Variants in DISC1 observed in about 807,000 individuals in gnomAD.
The protein encoded by DISC1 is disrupted in schizophrenia 1 protein.
In DISC1, 57 loss-of-function variants were observed where a neutral mutation model predicts 84.5. The observed-to-expected ratio is 0.67, with a 90% CI of 0.55 to 0.84. DISC1 has a LOEUF of 0.84. DISC1 is among the 40% of genes least tolerant of loss of function. The pLI is 0.00. For synonymous variants in DISC1, 411 were observed against 415.2 expected, an observed-to-expected ratio of 0.99 and a Z score of 0.12; for missense variants, 1,000 against 1,057.8, an observed-to-expected ratio of 0.95 and a Z score of 0.76.
chr1:231,733,226 G>A (rs562386511), intron 3 of DISC1, among the ~76,000 whole-genome samples: 153 of 151,158 alleles, frequency 1.0e-3, no homozygotes, highest in Non-Finnish European at 1.9e-3. Flanking sequence ...AGTGTTGTTG[G>A]TGATGGTAGG....
chr1:232,001,371 A>G (rs3121909), intron 10 of DISC1, among the ~76,000 whole-genome samples: 43,818 of 151,298 alleles, frequency 0.29, 6,583 homozygotes, highest in African/African-American at 0.35. Context: ...GAGCCACCAC[A>G]CCAGGCAATA....
At chr1:231,633,608 C>T (rs370265576) in intron 1 of DISC1, among the ~76,000 whole-genome samples, 29 of 152,208 alleles carry the variant, frequency 1.9e-4, no homozygotes, top group African/African-American at 6.7e-4. Flanking sequence ...GTCATCTGCC[C>T]GAATGTCGTA....
intron 9 of DISC1, among the ~76,000 whole-genome samples, chr1:231,878,467 G>A (rs901481323): frequency 2.0e-5 from 3 of 152,282 alleles, no homozygotes; most frequent in Admixed American, 1.3e-4. Flanking sequence ...TCAAGGGATG[G>A]AGAAAAGACC....
At chr1:231,764,400 A>G (rs746086504) in intron 4 of DISC1, among the ~76,000 whole-genome samples, 1 of 152,234 alleles carries the variant, frequency 6.6e-6, no homozygotes, top group South Asian at 2.1e-4. Flanking sequence ...AGAAAGATCA[A>G]TGGAAAGAAA....
chr1:231,884,550 C>A (rs1430804789), intron 9 of DISC1, among the ~76,000 whole-genome samples: 1 of 146,078 alleles, frequency 6.8e-6, no homozygotes, highest in Non-Finnish European at 1.5e-5. Flanking sequence ...AATAGTGCTG[C>A]AATGAACATA....
chr1:231,790,293 A>C (rs2078232492), intron 6 of DISC1, among the ~76,000 whole-genome samples: 1 of 152,172 alleles, frequency 6.6e-6, no homozygotes, highest in African/African-American at 2.4e-5. Context: ...TTCCACATGC[A>C]TGAGTCTGCT....
chr1:231,837,196 A>G (rs1264084429), intron 9 of DISC1, among the ~76,000 whole-genome samples: 1 of 152,172 alleles, frequency 6.6e-6, no homozygotes, highest in African/African-American at 2.4e-5. Context: ...GAAGTTTACC[A>G]TATGTTTCAA....
intron 1 of DISC1, among the ~76,000 whole-genome samples, chr1:231,650,946 T>C (rs1399494295): frequency 3.3e-5 from 5 of 152,220 alleles, no homozygotes; most frequent in Admixed American, 1.3e-4. Context: ...CACTGTTTAT[T>C]CTAGTTAGCC....
chr1:231,926,520 G>C (rs2126093739), intron 9 of DISC1, among the ~76,000 whole-genome samples: 1 of 152,290 alleles, frequency 6.6e-6, no homozygotes. Context: ...AGGACATTTG[G>C]ATCTAGAGAT....
At chr1:231,992,235 A>G (rs1472638278) in intron 10 of DISC1, among the ~76,000 whole-genome samples, 2 of 152,140 alleles carry the variant, frequency 1.3e-5, no homozygotes, top group Non-Finnish European at 2.9e-5. Context: ...AAAACAGCAA[A>G]CTATACAACT....
At chr1:231,859,401 C>G (rs1219994323) in intron 9 of DISC1, among the ~76,000 whole-genome samples, 1 of 152,072 alleles carries the variant, frequency 6.6e-6, no homozygotes, top group African/African-American at 2.4e-5. Flanking sequence ...TGGTGAGGGC[C>G]TGTTTCCAGG....
chr1:232,006,691 G>T (rs821607), intron 10 of DISC1, among the ~76,000 whole-genome samples: 1 of 152,080 alleles, frequency 6.6e-6, no homozygotes, highest in African/African-American at 2.4e-5. Flanking sequence ...TGATGATACA[G>T]TAGAAAAGAA....
At chr1:231,732,836 A>C (rs2071705844) in intron 3 of DISC1, among the ~76,000 whole-genome samples, 1 of 152,160 alleles carries the variant, frequency 6.6e-6, no homozygotes, top group Non-Finnish European at 1.5e-5. Context: ...TTGGAGTGCT[A>C]GCGGAGGTGA....
At chr1:231,827,738 G>T (rs2081960955) in intron 9 of DISC1, among the ~76,000 whole-genome samples, 1 of 152,118 alleles carries the variant, frequency 6.6e-6, no homozygotes, top group Non-Finnish European at 1.5e-5. Flanking sequence ...TTGGACTTGG[G>T]GATGGCCACT....
intron 3 of DISC1, chr1:231,723,417 G>C: frequency 3.0e-6 from 3 of 985,694 alleles, no homozygotes; most frequent in Non-Finnish European, 3.6e-6. Flanking sequence ...AATTATTGCT[G>C]TGAGATCAGG....
intron 10 of DISC1, among the ~76,000 whole-genome samples, chr1:231,990,481 T>G (rs985559852): frequency 3.3e-5 from 5 of 152,000 alleles, no homozygotes; most frequent in African/African-American, 1.2e-4. Flanking sequence ...GCTGCTTGGA[T>G]AGGAAACATA....
chr1:231,780,089 G>A (rs1466816484), intron 6 of DISC1, among the ~76,000 whole-genome samples: 1 of 151,864 alleles, frequency 6.6e-6, no homozygotes, highest in Non-Finnish European at 1.5e-5. Flanking sequence ...GACTGTTGTG[G>A]GCTGGGGGGA....
rs201559788 is a variant in DISC1, at chr1:231,675,851, C to CTTT, written c.68-17961_68-17959dup. ...GTATATTGTATTTGTTTTTTCTTTT[C>CTTT]TTTTTTTTTTTTTTTTGACACAGAA... On this transcript the variant is annotated intron_variant, in intron 1 of 12. Transcript: ENST00000439617. This position sits in a 1 kb window ranked among gnomAD's most constrained non-coding sequence, Gnocchi z 4.1. Among the ~76,000 whole-genome samples, 1 of 137,670 alleles carries CTTT rather than the reference C, an allele frequency of 7.3e-6. No individual in the cohort carries two copies. The highest frequency in any genetic ancestry group is 1.6e-5 in the Non-Finnish European group (1 of 63,684). The allele number at this position is 137,670 out of a possible 152,430, so 90.3% of individuals were successfully genotyped here.
intron 9 of DISC1, among the ~76,000 whole-genome samples, chr1:231,902,313 G>A (rs2088241601): frequency 6.6e-6 from 1 of 152,068 alleles, no homozygotes; most frequent in Non-Finnish European, 1.5e-5. Context: ...AGTATTCTAG[G>A]TAGTTGGATA....
Sources: gnomAD v4.1 joint callset for allele counts (sites outside exome capture counted in the v4.1 genomes callset) on GRCh38, gnomAD v4.1.1 for gene constraint, Gnocchi (gnomAD v3.1) non-coding constraint, MANE v1.5 for transcripts, NCBI Gene and HGNC (gene_info 2026-07-23, HGNC 2026-07-21) for gene names.